The following MDN1 variants were observed in gnomAD, a reference collection of about 807,000 sequenced individuals.
MDN1 encodes midasin.
Under a neutral mutation model 669.2 loss-of-function variants are expected in MDN1, and 266 were observed. The ratio of observed to expected loss-of-function variants is 0.40; its 90% CI spans 0.36 to 0.44. MDN1 has a LOEUF of 0.44. Ranked by LOEUF, MDN1 falls within the 20% of genes least tolerant of loss-of-function variation. The pLI is 1.00. For synonymous variants in MDN1, 2,385 were observed against 2,457.1 expected (o/e 0.97, Z 0.87); for missense variants, 5,940 against 6,754.0 (o/e 0.88, Z 4.22).
At chr6:89,717,951 G>A (rs1814517559) in intron 43 of MDN1, among the ~76,000 whole-genome samples, 1 of 152,132 alleles carries the variant, frequency 6.6e-6, no homozygotes, top group African/African-American at 2.4e-5. Flanking sequence ...ATGTTAATTG[G>A]ATGGCATACA....
intron 15 of MDN1, among the ~76,000 whole-genome samples, chr6:89,770,597 C>T (rs892252117): frequency 6.6e-5 from 10 of 152,052 alleles, no homozygotes; most frequent in African/African-American, 2.4e-4. Flanking sequence ...CTCTGCCTCC[C>T]AGATTCAAGC....
chr6:89,645,504 A>G (rs1258182588), intron 100 of MDN1, among the ~76,000 whole-genome samples: 1 of 152,224 alleles, frequency 6.6e-6, no homozygotes, highest in Non-Finnish European at 1.5e-5. Flanking sequence ...TTATGGCTAT[A>G]AACTTTAAAA....
rs1179580631 is a variant in MDN1, at chr6:89,680,641, G to T, written c.12213C>A (p.Phe4071Leu). 6.2e-7 allele frequency: 1 copy of T among 1,614,160 alleles called. No individual in the cohort carries two copies. The highest frequency in any genetic ancestry group is 2.2e-5 in the East Asian group (1 of 44,872). Residue 4071 changes from phenylalanine to leucine, a missense_variant, in exon 74 of 102, where the codon TTC (phenylalanine) becomes TTA (leucine). This residue lies in a region of MDN1 where 2,280 missense variants were observed against 2,576.3 expected (regional missense o/e 0.88). Transcript: ENST00000369393. Reference protein sequence around the residue: ...RKRMRKMCLTFMKESPLPRLV... With the variant: ...RKRMRKMCLTLMKESPLPRLV... ...GGCGAGGCAGGGGGCTCTCCTTCAT[G>T]AACGTCAGGCACATCTTCCTCATGC...
rs546968765 is a variant in MDN1, at chr6:89,694,726, T to C, written c.9772-543A>G. Among the ~76,000 whole-genome samples the C allele has an allele frequency of 5.9e-5, 9 of 152,002 alleles. No individual in the cohort carries two copies. In the South Asian group the frequency reaches 1.9e-3, roughly 32 times the overall value. ...ACCCAGCTTTTTTTTTTTTTCCTTT[T>C]TTTGTAGAGACAGGAATCTTACTAT... On this transcript the variant is annotated intron_variant, in intron 61 of 101. Coordinates refer to ENST00000369393, the MANE Select transcript of MDN1 (RefSeq NM_014611.3).
At chr6:89,723,254 A>G (rs1814967167) in intron 39 of MDN1, 111 bp from the exon 40 acceptor site, 13 of 1,122,524 alleles carry the variant, frequency 1.2e-5, no homozygotes, top group Non-Finnish European at 1.7e-5. Flanking sequence ...AAAAATTAAC[A>G]GGCTTGATTC....
At chr6:89,675,307 G>T in intron 78 of MDN1, 157 bp downstream of exon 78, 1 of 620,490 alleles carries the variant, frequency 1.6e-6, no homozygotes, top group Non-Finnish European at 2.8e-6. Flanking sequence ...AAAGCAAGGG[G>T]CAGAGCTGGG....
chr6:89,750,726 T>C (rs1476775777), intron 23 of MDN1, among the ~76,000 whole-genome samples, 194 bp from the exon 24 acceptor site: 2 of 152,022 alleles, frequency 1.3e-5, no homozygotes, highest in African/African-American at 4.8e-5. Context: ...CCTCAGCCTC[T>C]TGAGTAGCTG....
chr6:89,737,759 TGCTGCCCAG>T (rs1816073014), intron 33 of MDN1, among the ~76,000 whole-genome samples: 2 of 149,070 alleles, frequency 1.3e-5, no homozygotes, highest in Admixed American at 1.3e-4. Flanking sequence ...AGTCTGGCTC[TGCTGCCCAG>T]GCTGGAGTGC....
At position 89,687,421 on chromosome 6, in the gene MDN1, T is replaced by C; in HGVS notation, c.11373A>G (p.Ala3791=). 6.2e-7 allele frequency: 1 copy of C among 1,614,000 alleles called. No individual in the cohort carries two copies. The highest frequency in any genetic ancestry group is 8.5e-7 in the Non-Finnish European group (1 of 1,179,950). ...LAKAQDWEEN[A]SRALSLRKHL... Reference sequence around the variant, plus strand: ...GTTTCCGCAAAGACAAAGCTCGACTTGCATTTTCCTCCCAATCCTAAAGAA... The same window carrying C: ...GTTTCCGCAAAGACAAAGCTCGACTCGCATTTTCCTCCCAATCCTAAAGAA... Residue 3791 remains alanine, a synonymous_variant, in exon 68 of 102, where the codon GCA becomes GCG. Transcript: ENST00000369393.
At position 89,723,583 on chromosome 6, in the gene MDN1, A is replaced by C. The variant is rs372235637; in HGVS notation, c.5707T>G (p.Phe1903Val). 1.2e-6 allele frequency: 2 copies of C among 1,600,090 alleles called. No homozygotes were observed. The highest frequency in any genetic ancestry group is 1.7e-6 in the Non-Finnish European group (2 of 1,172,322). ...VDPLTVIDMEFIASTLFPAIE... is the reference protein window; with the variant it reads ...VDPLTVIDMEVIASTLFPAIE... The stretch of plus-strand genomic sequence containing the variant: ...GCTGGAAACAAAGTACTGGCAATGA[A>C]CTCCATGTCAATTACTGTAAGGGGA... Residue 1903 changes from phenylalanine to valine, a missense_variant, in exon 39 of 102, where the codon TTC becomes GTC. Around this residue, in one of 5 missense-constraint regions of MDN1, gnomAD observed 2,292 missense variants for 2,638.3 expected, o/e 0.87. Coordinates refer to ENST00000369393, the MANE Select transcript of MDN1 (RefSeq NM_014611.3).
chr6:89,645,117 G>A lies in MDN1; in HGVS notation c.16500C>T (p.Gly5500=). Residue 5500 remains glycine (G), a synonymous_variant, in exon 101 of 102, where the codon GGC becomes GGT. Coordinates refer to ENST00000369393, the MANE Select transcript of MDN1 (RefSeq NM_014611.3). ...CTCTTTCTTTGCCCTCAAGGAAAAGGCCTCGCCCATCAGAGACTACCAGGA... is the reference window on the plus strand; with the variant it reads ...CTCTTTCTTTGCCCTCAAGGAAAAGACCTCGCCCATCAGAGACTACCAGGA... ...QLLLVVSDGR[G]LFLEGKERVL... is the part of the protein sequence containing the mutation. 6.2e-7 allele frequency: 1 copy of A among 1,611,662 alleles called. No individual in the cohort carries two copies. The highest frequency in any genetic ancestry group is 8.5e-7 in the Non-Finnish European group (1 of 1,177,920).
At chr6:89,687,557 A>G in intron 67 of MDN1, 119 bp from the exon 68 acceptor site, 1 of 740,758 alleles carries the variant, frequency 1.3e-6, no homozygotes, top group Non-Finnish European at 2.2e-6. Context: ...AACAACTTGC[A>G]CCAATTGTAG....
intron 35 of MDN1, among the ~76,000 whole-genome samples, chr6:89,730,521 T>C (rs1815519545): frequency 6.6e-6 from 1 of 152,236 alleles, no homozygotes. Flanking sequence ...TATTTATAGA[T>C]TGAAGTCTCT....
chr6:89,771,025 C>G (rs1818053764), intron 15 of MDN1, among the ~76,000 whole-genome samples: 1 of 152,088 alleles, frequency 6.6e-6, no homozygotes, highest in South Asian at 2.1e-4. Flanking sequence ...CTCAAGGTGC[C>G]TTAGAGAGAC....
intron 2 of MDN1, among the ~76,000 whole-genome samples, chr6:89,796,360 AAAC>A: frequency 1.3e-5 from 2 of 150,738 alleles, no homozygotes; most frequent in African/African-American, 4.9e-5. Context: ...ACAAAAAAAA[AAAC>A]CAAACACTTT....
At chr6:89,678,045 G>A (rs557833905) in intron 75 of MDN1, among the ~76,000 whole-genome samples, 42 of 152,174 alleles carry the variant, frequency 2.8e-4, no homozygotes, top group South Asian at 6.2e-4. Flanking sequence ...AGGCTGAGGC[G>A]GGTGGATCAC....
In MDN1 at chr6:89,740,293, C is replaced by T. The variant is rs745840878; in HGVS notation, c.4534G>A (p.Gly1512Arg). ...GTTGCTAGAATACGAAATTTTTTCC[C>T]AGCAGTCAACAGCTCTATTTCACTA... The part of the protein sequence containing the change: ...KDSEIELLTA[G>R]KKFRILATMN... The change falls in exon 32 of 102, where the codon GGG becomes AGG. Residue 1512 changes from glycine to arginine, a missense_variant. By Grantham distance (125) the Gly-to-Arg change is moderately radical. Around this residue, in one of 5 missense-constraint regions of MDN1, gnomAD observed 2,292 missense variants for 2,638.3 expected, o/e 0.87. Coordinates refer to ENST00000369393, the MANE Select transcript of MDN1 (RefSeq NM_014611.3). The T allele has an allele frequency of 1.7e-5, 28 of 1,611,368 alleles. No homozygotes were observed. The South Asian group carries it at 2.9e-4, about 17-fold the overall frequency.
chr6:89,650,752 A>C lies in MDN1; in HGVS notation c.16011T>G (p.Pro5337=), dbSNP rs777850213. The change falls in exon 96 of 102, where the codon CCT becomes CCG. Residue 5337 remains proline (P), a synonymous_variant. Transcript: ENST00000369393. ...LCEELRLILE[P]TQAAKLKGDY... ...CTTACTTCAGCTTGGCTGCCTGGGT[A>C]GGCTCTAATATGAGACGAAGCTCTT... is the stretch of plus-strand genomic sequence containing the variant. The C allele has an allele frequency of 6.2e-7, 1 of 1,614,024 alleles. No homozygotes were observed. Among genetic ancestry groups the C allele is most frequent in the South Asian group, 1.1e-5 (1 of 91,082 alleles).
intron 9 of MDN1, among the ~76,000 whole-genome samples, chr6:89,783,666 C>G (rs1006312635): frequency 1.3e-5 from 2 of 152,128 alleles, no homozygotes; most frequent in Non-Finnish European, 2.9e-5. Context: ...CCTTTTGAAA[C>G]CCTTAAAAAA....
Sources: gnomAD v4.1 joint callset for allele counts (sites outside exome capture counted in the v4.1 genomes callset) on GRCh38, gnomAD v4.1.1 for gene constraint, gnomAD v4.1.1 regional missense constraint, MANE v1.5 for transcripts, NCBI Gene and HGNC (gene_info 2026-07-23, HGNC 2026-07-21) for gene names.